The following WHRN variants were observed in gnomAD, a reference collection of about 807,000 sequenced individuals.
The protein encoded by WHRN is whirlin.
In WHRN, 41 loss-of-function variants were observed where a neutral mutation model predicts 68.3. That is an observed-to-expected ratio of 0.60 (90% CI 0.47 to 0.78). The LOEUF (loss-of-function observed/expected upper bound fraction) is 0.78. Ranked by LOEUF, WHRN falls within the 30% of genes least tolerant of loss-of-function variation. The pLI is 0.00. For synonymous variants in WHRN, 560 were observed against 561.3 expected (o/e 1.00, Z 0.03); for missense variants, 1,243 against 1,244.7 (o/e 1.00, Z 0.02).
intron 3 of WHRN, among the ~76,000 whole-genome samples, chr9:114,428,757 C>T (rs1051597813): frequency 2.0e-5 from 3 of 152,212 alleles, no homozygotes; most frequent in Admixed American, 6.5e-5. Flanking sequence ...AACTTCATCT[C>T]ATCATCAACT....
At chr9:114,425,225 A>G (rs1181409616) in intron 4 of WHRN, 7 of 707,772 alleles carry the variant, frequency 9.9e-6, no homozygotes, top group Non-Finnish European at 1.6e-5. Context: ...CAGCCTCCCA[A>G]TCAGCAGTGT....
At position 114,445,022 on chromosome 9, in the gene WHRN, C is replaced by T. The variant is rs190795290; in HGVS notation, c.964-18609G>A. On this transcript the variant is annotated intron_variant, in intron 3 of 11. Coordinates refer to ENST00000362057, the MANE Select transcript of WHRN (RefSeq NM_015404.4). ...ACAGTGAACATACTTTACTTTTGAA[C>T]TCAGGTTTTTTAATGTTATTATTAT... 5.4e-3 allele frequency among the ~76,000 whole-genome samples: 820 copies of T among 151,828 alleles called. 6 individuals are homozygous for T. The highest frequency in any genetic ancestry group is 0.019 in the African/African-American group (793 of 41,370).
chr9:114,441,184 T>C (rs940035703), intron 3 of WHRN, among the ~76,000 whole-genome samples: 3 of 152,234 alleles, frequency 2.0e-5, no homozygotes, highest in Non-Finnish European at 4.4e-5. Context: ...ATATGGTATA[T>C]AGATATATAA....
chr9:114,409,969 C>T (rs1835313628), intron 7 of WHRN, among the ~76,000 whole-genome samples: 1 of 152,100 alleles, frequency 6.6e-6, no homozygotes, highest in African/African-American at 2.4e-5. Context: ...GGAGGAAGTT[C>T]CAAACCCTAC....
At chr9:114,449,384 G>A (rs964857007) in intron 3 of WHRN, among the ~76,000 whole-genome samples, 1 of 152,210 alleles carries the variant, frequency 6.6e-6, no homozygotes, top group Non-Finnish European at 1.5e-5. Flanking sequence ...CTGAGCACAC[G>A]AACAAATGAT....
At chr9:114,492,852 A>C (rs1480425056) in intron 1 of WHRN, among the ~76,000 whole-genome samples, 3 of 152,000 alleles carry the variant, frequency 2.0e-5, no homozygotes, top group African/African-American at 4.8e-5. Flanking sequence ...ACACACACAC[A>C]AATATATATA....
At chr9:114,470,277 T>A (rs986681107) in intron 2 of WHRN, among the ~76,000 whole-genome samples, 20 of 150,680 alleles carry the variant, frequency 1.3e-4, no homozygotes, top group African/African-American at 4.9e-4. Context: ...TGGGGCGGGG[T>A]GGGGAGGCAG....
At chr9:114,417,926 G>A (rs905698899) in intron 7 of WHRN, among the ~76,000 whole-genome samples, 5 of 152,200 alleles carry the variant, frequency 3.3e-5, no homozygotes, top group African/African-American at 4.8e-5. Flanking sequence ...GGGGTCTTCC[G>A]TGGTTGTACA....
chr9:114,478,031 C>T (rs1411135917), intron 2 of WHRN, among the ~76,000 whole-genome samples: 1 of 152,066 alleles, frequency 6.6e-6, no homozygotes, highest in Non-Finnish European at 1.5e-5. Context: ...TGGAGGGAAT[C>T]TGGGTCCCAG....
chr9:114,402,666 A>G lies in WHRN; in HGVS notation c.*88T>C. 1 of 1,552,290 alleles carries G rather than the reference A, an allele frequency of 6.4e-7. No homozygotes were observed. Among genetic ancestry groups the G allele is most frequent in the Non-Finnish European group, 8.8e-7 (1 of 1,130,910 alleles). On this transcript the variant is annotated 3_prime_UTR_variant, in exon 12 of 12. Coordinates refer to ENST00000362057, the MANE Select transcript of WHRN (RefSeq NM_015404.4). ...CTGCCACCCTGGCCATGCAGCCCCA[A>G]CCCCGCAAGGAGCTTGATGAAGCCA...
Position 114,402,289 on chromosome 9 carries a change from G to C in WHRN, c.*465C>G. ...GCCAGGAGGAATGGGGGTGTGAATG[G>C]GGAGGTGCTCGATGCTTATTTGTGG... is the stretch of plus-strand genomic sequence containing the variant. On this transcript the variant is annotated 3_prime_UTR_variant, in exon 12 of 12. Coordinates refer to ENST00000362057, the MANE Select transcript of WHRN (RefSeq NM_015404.4). 1 of 206,754 alleles carries C rather than the reference G, an allele frequency of 4.8e-6. No homozygotes were observed. The highest frequency in any genetic ancestry group is 5.3e-5 in the Admixed American group (1 of 19,046). 12.8% of individuals were successfully genotyped at this position (206,754 alleles called of 1,614,324 possible). A position where few individuals can be genotyped will look rare whatever the true frequency, so the allele number is the denominator to read the frequency against.
At chr9:114,414,373 C>T (rs564979623) in intron 7 of WHRN, among the ~76,000 whole-genome samples, 11 of 152,290 alleles carry the variant, frequency 7.2e-5, no homozygotes, top group African/African-American at 2.6e-4. Context: ...TGTAATTTGT[C>T]ATCCTATGTA....
In WHRN at chr9:114,501,551, TACACACACACACACACACACAC is replaced by T. The variant is rs59195050; in HGVS notation, c.618+2611_618+2632del. 3.9e-4 allele frequency among the ~76,000 whole-genome samples: 57 copies of T among 144,964 alleles called. No individual in the cohort carries two copies. The South Asian group carries it at 0.012, about 31-fold the overall frequency. The stretch of plus-strand genomic sequence containing the variant: ...AAATTTAATTTAATTTAATTTTTAT[TACACACACACACACACACACAC>T]ACACACACACACACTGAATCTCTCC... On this transcript the variant is annotated intron_variant, in intron 1 of 11. Transcript: ENST00000362057.
intron 7 of WHRN, 64 bp from the exon 8 acceptor site, chr9:114,408,082 T>C (rs1260517853): frequency 1.5e-6 from 2 of 1,365,750 alleles, no homozygotes; most frequent in Non-Finnish European, 2.0e-6. Flanking sequence ...TGGTTTGTTC[T>C]CCAGCACACC....
chr9:114,456,978 T>C (rs1839861780), intron 3 of WHRN, among the ~76,000 whole-genome samples: 1 of 152,180 alleles, frequency 6.6e-6, no homozygotes, highest in Non-Finnish European at 1.5e-5. Flanking sequence ...AACCCTTTGA[T>C]TCTGGGATTA....
At chr9:114,472,956 C>A (rs565636841) in intron 2 of WHRN, among the ~76,000 whole-genome samples, 6 of 152,206 alleles carry the variant, frequency 3.9e-5, no homozygotes, top group Admixed American at 3.9e-4. Flanking sequence ...CACACAGTCA[C>A]GAAGTTTCAA....
intron 3 of WHRN, among the ~76,000 whole-genome samples, chr9:114,462,046 C>T (rs1389529663): frequency 2.0e-5 from 3 of 152,164 alleles, no homozygotes; most frequent in Non-Finnish European, 2.9e-5. Flanking sequence ...ATGTCCACAT[C>T]CTTCCACACA....
chr9:114,423,958 A>T (rs111667433), intron 6 of WHRN, among the ~76,000 whole-genome samples: 3 of 152,294 alleles, frequency 2.0e-5, no homozygotes, highest in African/African-American at 7.2e-5. Flanking sequence ...CAGAGTTCTC[A>T]AAGCTGGTGG....
At chr9:114,491,626 G>A (rs745514992) in intron 1 of WHRN, 7 of 228,540 alleles carry the variant, frequency 3.1e-5, no homozygotes, top group Admixed American at 1.7e-4. Flanking sequence ...GCGCGCCTCG[G>A]TTAAGGGAAA....
Sources: allele counts gnomAD v4.1 joint callset (sites outside exome capture counted in the v4.1 genomes callset), GRCh38; gene constraint gnomAD v4.1.1; transcripts MANE v1.5; gene names NCBI Gene and HGNC (gene_info 2026-07-23, HGNC 2026-07-21).